PTPRJ: variants seen among roughly 807,000 people sequenced by gnomAD.
PTPRJ encodes receptor-type tyrosine-protein phosphatase eta.
A neutral mutation model predicts 141.3 loss-of-function variants in PTPRJ; 129 were observed. The observed-to-expected ratio is 0.91, with a 90% CI of 0.79 to 1.06. The LOEUF is 1.06. PTPRJ is among the 50% of genes least tolerant of loss of function. The pLI is 0.00. For synonymous variants in PTPRJ, 610 were observed against 640.5 expected, an observed-to-expected ratio of 0.95 and a Z score of 0.72; for missense variants, 1,601 against 1,679.7, an observed-to-expected ratio of 0.95 and a Z score of 0.82.
intron 1 of PTPRJ, among the ~76,000 whole-genome samples, chr11:48,085,074 C>A (rs945988288): frequency 3.3e-5 from 5 of 152,178 alleles, no homozygotes; most frequent in African/African-American, 1.2e-4. Flanking sequence ...AGAAAAATAT[C>A]CACAACTACT....
At chr11:48,010,003 GA>G (rs964799049) in intron 1 of PTPRJ, among the ~76,000 whole-genome samples, 5 of 152,106 alleles carry the variant, frequency 3.3e-5, no homozygotes, top group African/African-American at 1.2e-4. Flanking sequence ...ATACTCTGGG[GA>G]CTCCCCATCC....
rs563357530 is a variant in PTPRJ, at chr11:48,058,005, G to A, written c.97-52053G>A. On this transcript the variant is annotated intron_variant, in intron 1 of 24. Transcript: ENST00000418331. ...CGGCTCGCTGCAGCCTCCGCCTCCC[G>A]GGTTCAAGTGATTCTCCTGCCTCAG... is the stretch of plus-strand genomic sequence containing the variant. Among the ~76,000 whole-genome samples the A allele has an allele frequency of 5.3e-5, 8 of 151,652 alleles. No individual in the cohort carries two copies. In the South Asian group the frequency reaches 1.7e-3, roughly 32 times the overall value.
chr11:48,026,401 A>G (rs1853811249), intron 1 of PTPRJ, among the ~76,000 whole-genome samples: 2 of 151,850 alleles, frequency 1.3e-5, no homozygotes, highest in African/African-American at 2.4e-5. Context: ...CTAAAACCCT[A>G]TCTCTGACTT....
chr11:48,140,391 G>A (rs1051279369), intron 11 of PTPRJ, among the ~76,000 whole-genome samples: 1 of 152,220 alleles, frequency 6.6e-6, no homozygotes, highest in African/African-American at 2.4e-5. Context: ...ACTATGGTGA[G>A]TAGGGGCGAC....
At chr11:48,113,513 T>C (rs1856490207) in intron 3 of PTPRJ, among the ~76,000 whole-genome samples, 3 of 152,214 alleles carry the variant, frequency 2.0e-5, no homozygotes, top group Admixed American at 1.3e-4. Flanking sequence ...AATTGAGTAG[T>C]GGCAATGGAG....
chr11:48,127,990 G>T lies in PTPRJ; in HGVS notation c.1304G>T (p.Cys435Phe). ...RSSTFYNITV[C>F]PVLGDIEGTP... ...AGCACCTTCTACAACATCACAGTGTGTCCTGTCCTAGGTGACATCGAGGGC... is the reference window on the plus strand; with the variant it reads ...AGCACCTTCTACAACATCACAGTGTTTCCTGTCCTAGGTGACATCGAGGGC... The change falls in exon 7 of 25, where the codon TGT becomes TTT. Residue 435 changes from cysteine to phenylalanine, a missense_variant. Coordinates refer to ENST00000418331, the MANE Select transcript of PTPRJ (RefSeq NM_002843.4). 1 of 1,614,178 alleles carries T rather than the reference G, an allele frequency of 6.2e-7. No homozygotes were observed.
At chr11:48,079,082 C>T (rs11824256) in intron 1 of PTPRJ, among the ~76,000 whole-genome samples, 4,500 of 151,924 alleles carry the variant, frequency 0.03, 230 homozygotes, top group African/African-American at 0.1. Context: ...TTTGGTTTCC[C>T]TGGGCCACAC....
intron 1 of PTPRJ, among the ~76,000 whole-genome samples, chr11:48,109,529 T>C (rs1283225118): frequency 1.3e-5 from 2 of 152,194 alleles, no homozygotes; most frequent in Non-Finnish European, 2.9e-5. Flanking sequence ...CACCTACTGA[T>C]GGAAAGAAGA....
rs558710443 is a variant in PTPRJ at position 48,134,537 on chromosome 11, TA to T, written c.1616-1492del. ...TCTGTAAGGAGAATCCACTTAAAAT[TA>T]AAAAAAAAATTAATTTTGGAGTAGA... On this transcript the variant is annotated intron_variant, in intron 8 of 24. Transcript: ENST00000418331. 1.8e-4 allele frequency among the ~76,000 whole-genome samples: 27 copies of T among 150,828 alleles called. No individual in the cohort carries two copies. In the South Asian group the frequency reaches 4.4e-3, roughly 25 times the overall value.
At chr11:48,077,712 G>A (rs763204798) in intron 1 of PTPRJ, among the ~76,000 whole-genome samples, 3 of 152,246 alleles carry the variant, frequency 2.0e-5, no homozygotes, top group South Asian at 2.1e-4. Flanking sequence ...TCCCTGCTCC[G>A]AAATCCTGAC....
At chr11:47,988,342 T>C (rs1259850678) in intron 1 of PTPRJ, among the ~76,000 whole-genome samples, 1 of 150,638 alleles carries the variant, frequency 6.6e-6, no homozygotes, top group Non-Finnish European at 1.5e-5. Flanking sequence ...TTTTTAATTT[T>C]ATTGTTTTTT....
intron 12 of PTPRJ, 51 bp downstream of exon 12, chr11:48,143,101 A>G (rs776628821): frequency 1.2e-6 from 2 of 1,603,826 alleles, no homozygotes; most frequent in Non-Finnish European, 1.7e-6. Flanking sequence ...TGCAGTGACC[A>G]GAGCTTTCTC....
At chr11:48,022,541 A>G (rs1853680620) in intron 1 of PTPRJ, among the ~76,000 whole-genome samples, 1 of 151,276 alleles carries the variant, frequency 6.6e-6, no homozygotes, top group African/African-American at 2.4e-5. Context: ...GTGAGTTTGG[A>G]AACCTGGCTT....
intron 15 of PTPRJ, among the ~76,000 whole-genome samples, chr11:48,147,497 G>A (rs1294651616): frequency 6.6e-6 from 1 of 152,200 alleles, no homozygotes; most frequent in Non-Finnish European, 1.5e-5. Context: ...TAGCAGCCCT[G>A]TTTTGAGTGC....
At chr11:48,086,024 A>C (rs73466843) in intron 1 of PTPRJ, among the ~76,000 whole-genome samples, 3,353 of 152,124 alleles carry the variant, frequency 0.022, 126 homozygotes, top group African/African-American at 0.076. Flanking sequence ...TTTCATGTTT[A>C]ATTCTTGGAA....
intron 1 of PTPRJ, among the ~76,000 whole-genome samples, chr11:48,022,487 A>G (rs1853679802): frequency 6.6e-6 from 1 of 151,824 alleles, no homozygotes; most frequent in Non-Finnish European, 1.5e-5. Flanking sequence ...AAAAATTAAG[A>G]TGATGAAGAT....
At chr11:48,069,186 G>A (rs1456052760) in intron 1 of PTPRJ, among the ~76,000 whole-genome samples, 1 of 150,284 alleles carries the variant, frequency 6.7e-6, no homozygotes, top group Admixed American at 6.7e-5. Context: ...TGCAACCTCC[G>A]CCTCCCGGGA....
chr11:48,093,934 A>G (rs1227392343), intron 1 of PTPRJ, among the ~76,000 whole-genome samples: 1 of 152,118 alleles, frequency 6.6e-6, no homozygotes, highest in East Asian at 1.9e-4. Context: ...CAGACACATG[A>G]TTGTGGTTGG....
chr11:48,130,151 G>C (rs1269404634), intron 7 of PTPRJ, among the ~76,000 whole-genome samples: 1 of 151,080 alleles, frequency 6.6e-6, no homozygotes, highest in South Asian at 2.1e-4. Flanking sequence ...AAAGCAGCCA[G>C]TGTGGCCAAG....
Sources: allele counts gnomAD v4.1 joint callset (sites outside exome capture counted in the v4.1 genomes callset), GRCh38; gene constraint gnomAD v4.1.1; transcripts MANE v1.5; gene names NCBI Gene and HGNC (gene_info 2026-07-23, HGNC 2026-07-21).